Variants in DYNC1I2 observed in about 807,000 individuals in gnomAD.
DYNC1I2 encodes the protein cytoplasmic dynein 1 intermediate chain 2.
In DYNC1I2, 53 loss-of-function variants were observed where a neutral mutation model predicts 88.6. The ratio of observed to expected loss-of-function variants is 0.60; its 90% CI spans 0.48 to 0.75. The LOEUF (loss-of-function observed/expected upper bound fraction) is 0.75. DYNC1I2 is among the 30% of genes least tolerant of loss of function. The pLI, the probability that DYNC1I2 is intolerant of heterozygous loss-of-function variation, is 0.00. For missense variants in DYNC1I2, 458 were observed against 766.6 expected (o/e 0.60, Z 4.75); for synonymous variants, 198 against 254.6 (o/e 0.78, Z 2.12).
intron 15 of DYNC1I2, 34 bp from the exon 16 acceptor site, chr2:171,744,015 T>G: frequency 6.3e-7 from 1 of 1,585,846 alleles, no homozygotes; most frequent in Non-Finnish European, 8.6e-7. Flanking sequence ...ATGTCATATA[T>G]GGACTGTGCT....
At chr2:171,715,880 GA>G (rs1414903138) in intron 7 of DYNC1I2, among the ~76,000 whole-genome samples, 2 of 152,128 alleles carry the variant, frequency 1.3e-5, no homozygotes, top group Admixed American at 1.3e-4. Flanking sequence ...TCATACTAAT[GA>G]ACAAATCTAG....
intron 12 of DYNC1I2, among the ~76,000 whole-genome samples, 161 bp from the exon 13 acceptor site, chr2:171,728,144 A>C (rs16859776): frequency 0.015 from 2,340 of 152,128 alleles, 50 homozygotes; most frequent in African/African-American, 0.051. Context: ...TTAGAAACTC[A>C]TCTCTCTTCT....
At chr2:171,699,255 C>T (rs536162279) in intron 3 of DYNC1I2, among the ~76,000 whole-genome samples, 75 of 152,000 alleles carry the variant, frequency 4.9e-4, no homozygotes, top group African/African-American at 1.4e-3. Context: ...TGCAGTGAGC[C>T]GAGATCGCGC....
chr2:171,690,628 C>T lies in DYNC1I2; in HGVS notation c.108+365C>T, dbSNP rs191399967. Among the ~76,000 whole-genome samples the T allele has an allele frequency of 6.1e-4, 91 of 149,724 alleles. 1 individual carries two copies. The highest frequency in any genetic ancestry group is 1.1e-3 in the Non-Finnish European group (72 of 67,588). ...GGAATATATTTATTATAAAGTAAGG[C>T]GCATCTGTATTTTTTTTTGTTTTGG... is the stretch of plus-strand genomic sequence containing the variant. On this transcript the variant is annotated intron_variant, in intron 2 of 17. Coordinates refer to ENST00000397119, the MANE Select transcript of DYNC1I2 (RefSeq NM_001378.3).
intron 3 of DYNC1I2, among the ~76,000 whole-genome samples, chr2:171,694,686 T>C (rs1264816583): frequency 6.6e-6 from 1 of 151,980 alleles, no homozygotes; most frequent in African/African-American, 2.4e-5. Flanking sequence ...TTTAATTGGC[T>C]CATGGCTCTG....
At position 171,702,514 on chromosome 2, in the gene DYNC1I2, C is replaced by T. The variant is rs1483619409; in HGVS notation, c.227-4033C>T. On this transcript the variant is annotated intron_variant, in intron 3 of 17. Coordinates refer to ENST00000397119, the MANE Select transcript of DYNC1I2 (RefSeq NM_001378.3). ...CCACAGTAAAAAATCTATTTTGTAT[C>T]ATGACTTAGGATGGATACTTGTTTT... is the stretch of plus-strand genomic sequence containing the variant. Among the ~76,000 whole-genome samples, 5 of 151,918 alleles carry T rather than the reference C, an allele frequency of 3.3e-5. No homozygotes were observed. The East Asian group carries it at 9.7e-4, about 29-fold the overall frequency.
chr2:171,737,452 CTG>C (rs1689086346), intron 15 of DYNC1I2, among the ~76,000 whole-genome samples: 1 of 152,136 alleles, frequency 6.6e-6, no homozygotes, highest in Non-Finnish European at 1.5e-5. Context: ...TGACCATACT[CTG>C]TTGCCCAGGC....
At chr2:171,699,105 G>A (rs1234150031) in intron 3 of DYNC1I2, among the ~76,000 whole-genome samples, 2 of 152,112 alleles carry the variant, frequency 1.3e-5, no homozygotes, top group Admixed American at 1.3e-4. Context: ...TCAGGAGTTC[G>A]AGACCAGCCT....
At chr2:171,741,396 A>C (rs2105772556) in intron 15 of DYNC1I2, among the ~76,000 whole-genome samples, 1 of 152,310 alleles carries the variant, frequency 6.6e-6, no homozygotes, top group Admixed American at 6.5e-5. Context: ...TTCCCCAGCA[A>C]GGTATGAAGG....
intron 1 of DYNC1I2, chr2:171,688,291 TAG>T (rs1358109670): frequency 4.6e-5 from 7 of 152,210 alleles, no homozygotes; most frequent in Non-Finnish European, 8.8e-5. Context: ...CACAAAACTC[TAG>T]AGACTCTCTT....
chr2:171,691,566 G>T (rs1156581131), intron 2 of DYNC1I2, among the ~76,000 whole-genome samples: 1 of 152,138 alleles, frequency 6.6e-6, no homozygotes, highest in African/African-American at 2.4e-5. Context: ...TGAAGAATTT[G>T]CTAGTTTATT....
chr2:171,721,362 C>T (rs1687891296), intron 7 of DYNC1I2, among the ~76,000 whole-genome samples: 1 of 152,018 alleles, frequency 6.6e-6, no homozygotes, highest in South Asian at 2.1e-4. Flanking sequence ...GGAATGGATT[C>T]CATTGATAGA....
chr2:171,726,056 G>A lies in DYNC1I2; in HGVS notation c.745G>A (p.Gly249Arg). 1 of 1,582,956 alleles carries A rather than the reference G, an allele frequency of 6.3e-7. No individual in the cohort carries two copies. Among genetic ancestry groups the A allele is most frequent in the East Asian group, 2.2e-5 (1 of 44,486 alleles). ...GATTAACATCTTCTTTGACTATAGT[G>A]GGAGAGATTTGGAAGACAAAGAAGG... ...EQINIFFDYS[G>R]RDLEDKEGEI... The change falls in exon 9 of 18, where the codon GGG becomes AGG. Residue 249 changes from glycine (G) to arginine (R), a missense_variant. This residue lies in a region of DYNC1I2 where 203 missense variants were observed against 354.2 expected (regional missense o/e 0.57). Coordinates refer to ENST00000397119, the MANE Select transcript of DYNC1I2 (RefSeq NM_001378.3).
chr2:171,735,488 T>C (rs940873663), intron 15 of DYNC1I2, among the ~76,000 whole-genome samples: 1 of 152,230 alleles, frequency 6.6e-6, no homozygotes, highest in African/African-American at 2.4e-5. Flanking sequence ...ATAATGCAGG[T>C]ATTCAAAAAT....
At position 171,743,622 on chromosome 2, in the gene DYNC1I2, A is replaced by C. The variant is rs1203289188; in HGVS notation, c.1537-427A>C. Among the ~76,000 whole-genome samples, 3 of 152,036 alleles carry C rather than the reference A, an allele frequency of 2.0e-5. No individual in the cohort carries two copies. In the East Asian group the frequency reaches 5.8e-4, roughly 29 times the overall value. On this transcript the variant is annotated intron_variant, in intron 15 of 17. Transcript: ENST00000397119. ...GAGAGGTTTGTTTCCACCTGATTTT[A>C]TTTGGAAGTTTGTCTCCTGATTCTG...
In DYNC1I2 at chr2:171,715,336, CTATTAAACTTGGAA is replaced by C; in HGVS notation, c.406_419del (p.Ile136GlyfsTer2). The C allele has an allele frequency of 6.4e-7, 1 of 1,553,466 alleles. No homozygotes were observed. Among genetic ancestry groups the C allele is most frequent in the Non-Finnish European group, 8.7e-7 (1 of 1,145,650 alleles). ...GTATTTACTTAATTTAGACGAGGAC[CTATTAAACTTGGAA>C]TGGCTAAAATCACGCAAGTCGACTT... On this transcript the variant is annotated frameshift_variant, in exon 7 of 18. Coordinates refer to ENST00000397119, the MANE Select transcript of DYNC1I2 (RefSeq NM_001378.3). LOFTEE classifies it high-confidence loss of function.
chr2:171,693,545 A>G (rs578121495), intron 3 of DYNC1I2, among the ~76,000 whole-genome samples: 33 of 152,238 alleles, frequency 2.2e-4, no homozygotes, highest in Non-Finnish European at 4.3e-4. Flanking sequence ...GCTATTATGT[A>G]GTATTTTAGT....
At chr2:171,731,344 A>T (rs1688593729) in intron 15 of DYNC1I2, among the ~76,000 whole-genome samples, 1 of 152,228 alleles carries the variant, frequency 6.6e-6, no homozygotes. Flanking sequence ...CGCAGGCATG[A>T]CACTCAAAGG....
At chr2:171,707,532 GA>G (rs1464775300) in intron 5 of DYNC1I2, among the ~76,000 whole-genome samples, 155 bp downstream of exon 5, 1 of 150,840 alleles carries the variant, frequency 6.6e-6, no homozygotes, top group African/African-American at 2.4e-5. Flanking sequence ...GACACTGGGA[GA>G]AAAAAAAGGT....
Sources: allele counts gnomAD v4.1 joint callset (sites outside exome capture counted in the v4.1 genomes callset), GRCh38; gene constraint gnomAD v4.1.1; regional missense constraint gnomAD v4.1.1; transcripts MANE v1.5; gene names NCBI Gene and HGNC (gene_info 2026-07-23, HGNC 2026-07-21).